The following LRRTM3 variants were observed in gnomAD, a reference collection of about 807,000 sequenced individuals.
The protein encoded by LRRTM3 is leucine rich repeat transmembrane neuronal 3.
In LRRTM3, 24 loss-of-function variants were observed where a neutral mutation model predicts 44.7. That is an observed-to-expected ratio of 0.54 (90% confidence interval 0.39 to 0.76). LRRTM3 has a LOEUF of 0.76. LRRTM3 is among the 30% of genes least tolerant of loss of function. The probability of loss-of-function intolerance (pLI) is 0.00; values close to 1 mark genes in which losing one functional copy is unlikely to be tolerated. For missense variants in LRRTM3, 587 were observed against 702.2 expected (o/e 0.84, Z 1.85); for synonymous variants, 277 against 278.7 (o/e 0.99, Z 0.06).
intron 2 of LRRTM3, among the ~76,000 whole-genome samples, chr10:66,948,714 A>C (rs1380080887): frequency 6.6e-6 from 1 of 152,186 alleles, no homozygotes; most frequent in Non-Finnish European, 1.5e-5. Flanking sequence ...AACTGATGAA[A>C]TTGAACATAT....
chr10:67,057,321 A>C lies in LRRTM3; in HGVS notation c.1537-40266A>C, dbSNP rs149997037. 7.5e-3 allele frequency among the ~76,000 whole-genome samples: 1,146 copies of C among 152,216 alleles called. 17 individuals are homozygous for C. The highest frequency in any genetic ancestry group is 0.027 in the African/African-American group (1,101 of 41,544). On this transcript the variant is annotated intron_variant, in intron 2 of 2. Coordinates refer to ENST00000361320, the MANE Select transcript of LRRTM3 (RefSeq NM_178011.5). Reference sequence around the variant, plus strand: ...TCCACTTTCTTAGCATATGTCAAGTATACTCTAAGTTATTATTAACTATAG... The same window carrying C: ...TCCACTTTCTTAGCATATGTCAAGTCTACTCTAAGTTATTATTAACTATAG...
chr10:67,078,664 C>G (rs1255443510), intron 2 of LRRTM3, among the ~76,000 whole-genome samples: 3 of 151,950 alleles, frequency 2.0e-5, no homozygotes, highest in Non-Finnish European at 4.4e-5. Flanking sequence ...TTACAGGCAC[C>G]CACCACCACA....
At chr10:67,014,407 A>G (rs1173212718) in intron 2 of LRRTM3, among the ~76,000 whole-genome samples, 1 of 152,168 alleles carries the variant, frequency 6.6e-6, no homozygotes, top group Non-Finnish European at 1.5e-5. Context: ...GAGATTATGG[A>G]CTATATAACT....
intron 2 of LRRTM3, among the ~76,000 whole-genome samples, chr10:67,070,452 T>G (rs1187098708): frequency 6.6e-6 from 1 of 152,084 alleles, no homozygotes; most frequent in Non-Finnish European, 1.5e-5. Flanking sequence ...TGTGTCCCGA[T>G]TAAGAAATCC....
At chr10:67,047,706 T>C (rs996333949) in intron 2 of LRRTM3, among the ~76,000 whole-genome samples, 5 of 152,146 alleles carry the variant, frequency 3.3e-5, no homozygotes, top group African/African-American at 1.2e-4. Context: ...TTTCACATAC[T>C]AAAATAATTA....
chr10:66,958,219 A>G (rs186889613), intron 2 of LRRTM3, among the ~76,000 whole-genome samples: 204 of 151,822 alleles, frequency 1.3e-3, no homozygotes, highest in African/African-American at 4.7e-3. Context: ...AATTGGCCCA[A>G]CTGATTTATT....
At chr10:67,040,685 C>A (rs979885715) in intron 2 of LRRTM3, among the ~76,000 whole-genome samples, 8 of 151,982 alleles carry the variant, frequency 5.3e-5, no homozygotes, top group Non-Finnish European at 1.2e-4. Context: ...CAAATTAAAA[C>A]CCCTGAGAAT....
intron 2 of LRRTM3, among the ~76,000 whole-genome samples, chr10:67,025,539 G>A (rs1853317726): frequency 1.3e-5 from 2 of 152,094 alleles, no homozygotes; most frequent in African/African-American, 4.8e-5. Flanking sequence ...GGGTGAAAAT[G>A]TATTTTGCAT....
chr10:66,948,425 C>A (rs1029863226), intron 2 of LRRTM3, among the ~76,000 whole-genome samples: 1 of 152,136 alleles, frequency 6.6e-6, no homozygotes, highest in Non-Finnish European at 1.5e-5. Flanking sequence ...TGCGTAACAA[C>A]ATGGAGATGC....
intron 2 of LRRTM3, among the ~76,000 whole-genome samples, chr10:66,928,691 C>T (rs1330964160): frequency 2.0e-5 from 3 of 152,152 alleles, no homozygotes; most frequent in African/African-American, 2.4e-5. Context: ...GCTTGAACTC[C>T]GGTTTAATAT....
chr10:66,980,777 T>C (rs1032671441), intron 2 of LRRTM3, among the ~76,000 whole-genome samples: 2 of 152,226 alleles, frequency 1.3e-5, no homozygotes, highest in African/African-American at 4.8e-5. Flanking sequence ...ACAACCTTCA[T>C]GTACAAGAGT....
At chr10:67,079,581 G>T (rs764757093) in intron 2 of LRRTM3, among the ~76,000 whole-genome samples, 5 of 152,128 alleles carry the variant, frequency 3.3e-5, no homozygotes, top group Admixed American at 6.6e-5. Context: ...CCAGCGCGGT[G>T]GCTCATGCCT....
chr10:67,018,929 A>C (rs1852821747), intron 2 of LRRTM3, among the ~76,000 whole-genome samples: 1 of 152,198 alleles, frequency 6.6e-6, no homozygotes, highest in African/African-American at 2.4e-5. Context: ...GGTTAAAGGG[A>C]AACTATTAAG....
intron 2 of LRRTM3, among the ~76,000 whole-genome samples, chr10:67,088,906 A>G (rs1161356639): frequency 6.6e-6 from 1 of 152,100 alleles, no homozygotes; most frequent in Non-Finnish European, 1.5e-5. Flanking sequence ...TTGAAAATAT[A>G]CAAGAGAAAA....
At chr10:67,091,295 ATTTC>A (rs887981459) in intron 2 of LRRTM3, among the ~76,000 whole-genome samples, 3 of 152,038 alleles carry the variant, frequency 2.0e-5, no homozygotes, top group African/African-American at 4.8e-5. Flanking sequence ...AAATTAAAAC[ATTTC>A]TTTAAGTAAA....
rs1251142514 is a variant in LRRTM3 at position 67,097,590 on chromosome 10, C to A, written c.1540C>A (p.Pro514Thr). 1.9e-6 allele frequency: 3 copies of A among 1,611,892 alleles called. No individual in the cohort carries two copies. Among genetic ancestry groups the A allele is most frequent in the Non-Finnish European group, 8.5e-7 (1 of 1,178,562 alleles). ...NKSGSRECEI[P>T]LSMNVSTFLA... ...TTCTCATGTCATTTTTCCCCAGATA[C>A]CTTTATCAATGAATGTGTCAACCTT... The change falls in exon 3 of 3, where the codon CCT becomes ACT. Residue 514 changes from proline (P) to threonine (T), a missense_variant. Physicochemically the swap from Pro to Thr is conservative, Grantham distance 38. Transcript: ENST00000361320.
intron 2 of LRRTM3, among the ~76,000 whole-genome samples, chr10:66,979,703 T>C (rs1850297567): frequency 6.6e-6 from 1 of 152,160 alleles, no homozygotes; most frequent in African/African-American, 2.4e-5. Context: ...CAGAGTACTG[T>C]TGTGCACACA....
intron 2 of LRRTM3, among the ~76,000 whole-genome samples, chr10:67,077,966 CA>C (rs1206935219): frequency 6.6e-6 from 1 of 152,138 alleles, no homozygotes; most frequent in Non-Finnish European, 1.5e-5. Flanking sequence ...ATCTCACCAA[CA>C]GCTTAGAAAG....
intron 2 of LRRTM3, among the ~76,000 whole-genome samples, chr10:66,930,899 C>T (rs1054691634): frequency 6.6e-6 from 1 of 152,096 alleles, no homozygotes; most frequent in Non-Finnish European, 1.5e-5. Context: ...TCTTTCTCCT[C>T]ACTCTTTGAG....
Sources: gnomAD v4.1 joint callset for allele counts (sites outside exome capture counted in the v4.1 genomes callset) on GRCh38, gnomAD v4.1.1 for gene constraint, MANE v1.5 for transcripts, NCBI Gene and HGNC (gene_info 2026-07-23, HGNC 2026-07-21) for gene names.